The following PPARGC1A variants were observed in gnomAD, a reference collection of about 807,000 sequenced individuals.
The protein encoded by PPARGC1A is PPARG coactivator 1 alpha.
In PPARGC1A, 25 loss-of-function variants were observed where a neutral mutation model predicts 88.7. That is an observed-to-expected ratio of 0.28 (90% confidence interval 0.21 to 0.39). The LOEUF (loss-of-function observed/expected upper bound fraction) is 0.39. PPARGC1A is among the 10% of genes least tolerant of loss of function. The pLI is 1.00. For synonymous variants in PPARGC1A, 363 were observed against 355.6 expected, an observed-to-expected ratio of 1.02 and a Z score of -0.24; for missense variants, 880 against 968.7, an observed-to-expected ratio of 0.91 and a Z score of 1.22.
chr4:23,983,884 G>T, the PPARGC1A span, among the ~76,000 whole-genome samples: 1 of 151,804 alleles, frequency 6.6e-6, no homozygotes, highest in African/African-American at 2.4e-5. Context: ...TCTTAAAATT[G>T]CCCCATCTCT....
chr4:24,402,412 T>C, the PPARGC1A span, among the ~76,000 whole-genome samples: 1 of 152,116 alleles, frequency 6.6e-6, no homozygotes, highest in Non-Finnish European at 1.5e-5. Context: ...AACAAACACT[T>C]CCATTGGCCA....
chr4:23,796,882 C>T (rs1717706422), intron 12 of PPARGC1A, among the ~76,000 whole-genome samples: 1 of 151,836 alleles, frequency 6.6e-6, no homozygotes, highest in Non-Finnish European at 1.5e-5. Context: ...CATGCTTTTT[C>T]CCAGAGTAAA....
the PPARGC1A span, among the ~76,000 whole-genome samples, chr4:24,010,840 A>C: frequency 4.4e-4 from 67 of 152,318 alleles, 1 homozygote; most frequent in Admixed American, 4.1e-3. Flanking sequence ...AATTGTGATT[A>C]CTGACACACT....
chr4:23,886,817 G>A (rs764460111), intron 1 of PPARGC1A, among the ~76,000 whole-genome samples: 9 of 148,942 alleles, frequency 6.0e-5, no homozygotes, highest in African/African-American at 1.7e-4. Flanking sequence ...CTTTTTCAAC[G>A]GTGCAAGATA....
At chr4:24,303,033 C>T in the PPARGC1A span, among the ~76,000 whole-genome samples, 1 of 152,206 alleles carries the variant, frequency 6.6e-6, no homozygotes, top group South Asian at 2.1e-4. Flanking sequence ...CTTCCCCTGA[C>T]ATAAAAACCC....
the PPARGC1A span, among the ~76,000 whole-genome samples, chr4:24,124,823 G>A: frequency 1.3e-5 from 2 of 152,110 alleles, no homozygotes; most frequent in African/African-American, 4.8e-5. Context: ...AAAGGAGACT[G>A]CTCTGCTTAA....
chr4:23,970,049 C>G, the PPARGC1A span, among the ~76,000 whole-genome samples: 1 of 152,170 alleles, frequency 6.6e-6, no homozygotes, highest in Non-Finnish European at 1.5e-5. Context: ...CATAAGCATT[C>G]TGTGTGATGG....
chr4:24,469,617 G>A, the PPARGC1A span, among the ~76,000 whole-genome samples: 1 of 152,058 alleles, frequency 6.6e-6, no homozygotes, highest in Non-Finnish European at 1.5e-5. Context: ...ATACCAGCCC[G>A]AGAGCCAATC....
At chr4:24,452,514 C>A in the PPARGC1A span, among the ~76,000 whole-genome samples, 1 of 152,194 alleles carries the variant, frequency 6.6e-6, no homozygotes, top group Non-Finnish European at 1.5e-5. Flanking sequence ...GATCCATTCG[C>A]TTCCTTGTTG....
chr4:24,396,151 T>C, the PPARGC1A span, among the ~76,000 whole-genome samples: 1 of 152,116 alleles, frequency 6.6e-6, no homozygotes, highest in Admixed American at 6.5e-5. Flanking sequence ...GGGACAGTGC[T>C]GTTCTCAGGT....
At chr4:23,816,208 C>A (rs1374932530) in intron 7 of PPARGC1A, among the ~76,000 whole-genome samples, 1 of 152,172 alleles carries the variant, frequency 6.6e-6, no homozygotes, top group East Asian at 1.9e-4. Flanking sequence ...GAATGGGACA[C>A]TGTACTCCAC....
At chr4:24,357,592 C>G in the PPARGC1A span, among the ~76,000 whole-genome samples, 2 of 152,168 alleles carry the variant, frequency 1.3e-5, no homozygotes, top group African/African-American at 2.4e-5. Context: ...AGATGGCCAT[C>G]ATGCCTGTTC....
At chr4:24,470,322 A>T in the PPARGC1A span, among the ~76,000 whole-genome samples, 100 of 116,730 alleles carry the variant, frequency 8.6e-4, no homozygotes, top group African/African-American at 2.7e-3. The surrounding 1 kb of genome is among the most constrained non-coding windows in gnomAD (Gnocchi z 5.8). Flanking sequence ...ACACACACAC[A>T]CACTCTCTCA....
chr4:24,452,140 C>T, the PPARGC1A span, among the ~76,000 whole-genome samples: 1 of 152,102 alleles, frequency 6.6e-6, no homozygotes. Flanking sequence ...CTGAAACTCT[C>T]CCCTGGATCT....
the PPARGC1A span, among the ~76,000 whole-genome samples, chr4:24,383,801 C>T: frequency 6.6e-6 from 1 of 152,194 alleles, no homozygotes; most frequent in Non-Finnish European, 1.5e-5. Context: ...GGAAAACACT[C>T]TTCCAGATAT....
the PPARGC1A span, among the ~76,000 whole-genome samples, chr4:24,076,578 G>A: frequency 6.6e-6 from 1 of 152,132 alleles, no homozygotes; most frequent in African/African-American, 2.4e-5. Flanking sequence ...CAAGATTTCT[G>A]CCATAGTTTA....
Position 23,794,039 on chromosome 4 carries a change from C to T in PPARGC1A, c.*1783G>A, listed in dbSNP as rs1273373797. 1.3e-5 allele frequency: 2 copies of T among 152,576 alleles called. No homozygotes were observed. The highest frequency in any genetic ancestry group is 4.8e-5 in the African/African-American group (2 of 41,436). 9.5% of individuals were successfully genotyped at this position (152,576 alleles called of 1,614,324 possible). A position where few individuals can be genotyped will look rare whatever the true frequency, so the allele number is the denominator to read the frequency against. ...AAAAAATACAGATAAATACCATCGT[C>T]ATACTCTGCCAAGGGAAAGAAATAC... On this transcript the variant is annotated 3_prime_UTR_variant, in exon 13 of 13. Transcript: ENST00000264867.
chr4:24,173,229 C>G, the PPARGC1A span, among the ~76,000 whole-genome samples: 1 of 151,600 alleles, frequency 6.6e-6, no homozygotes, highest in Non-Finnish European at 1.5e-5. Flanking sequence ...CATTAAAACC[C>G]CTTCTGATTC....
At chr4:23,810,420 G>C (rs1266888396) in intron 10 of PPARGC1A, among the ~76,000 whole-genome samples, 1 of 152,124 alleles carries the variant, frequency 6.6e-6, no homozygotes, top group Non-Finnish European at 1.5e-5. Context: ...GTAACACAAA[G>C]GGACAACAGG....
Sources: gnomAD v4.1 joint callset for allele counts (sites outside exome capture counted in the v4.1 genomes callset) on GRCh38, gnomAD v4.1.1 for gene constraint, Gnocchi (gnomAD v3.1) non-coding constraint, MANE v1.5 for transcripts, NCBI Gene and HGNC (gene_info 2026-07-23, HGNC 2026-07-21) for gene names.